Variants in SIM1 observed in about 807,000 individuals in gnomAD.
SIM1 encodes the protein SIM bHLH transcription factor 1, also known as single-minded homolog 1.
SIM1 carries 18 observed loss-of-function variants against 78.2 expected under a neutral mutation model. That is an observed-to-expected ratio of 0.23 (90% CI 0.16 to 0.34). The LOEUF is 0.34. SIM1 is among the 10% of genes least tolerant of loss of function. The pLI, the probability that SIM1 is intolerant of heterozygous loss-of-function variation, is 1.00. For synonymous variants in SIM1, 417 were observed against 385.2 expected, an observed-to-expected ratio of 1.08 and a Z score of -0.97; for missense variants, 939 against 975.1, an observed-to-expected ratio of 0.96 and a Z score of 0.49.
intron 2 of SIM1, among the ~76,000 whole-genome samples, chr6:100,454,481 C>G (rs1045607164): frequency 2.6e-5 from 4 of 152,220 alleles, no homozygotes; most frequent in African/African-American, 9.6e-5. Flanking sequence ...CCTCCTAGCC[C>G]TCTGCCTTAC....
At chr6:100,458,174 G>T (rs1388236219) in intron 2 of SIM1, among the ~76,000 whole-genome samples, 3 of 152,102 alleles carry the variant, frequency 2.0e-5, no homozygotes, top group Non-Finnish European at 4.4e-5. Context: ...AAAGACGGCA[G>T]AAACCCAAGG....
rs532818303 is a variant in SIM1 at position 100,454,111 on chromosome 6, C to T, written c.176-267G>A. Among the ~76,000 whole-genome samples, 22 of 152,334 alleles carry T rather than the reference C, an allele frequency of 1.4e-4. No homozygotes were observed. The South Asian group carries it at 4.1e-3, about 29-fold the overall frequency. Reference sequence around the variant, plus strand: ...CTGGTAGGACTCCAAGTGGCCCAGGCTCGGAAAAAGCCTCCAACATTGCAC... The same window carrying T: ...CTGGTAGGACTCCAAGTGGCCCAGGTTCGGAAAAAGCCTCCAACATTGCAC... On this transcript the variant is annotated intron_variant, in intron 2 of 11. Transcript: ENST00000369208.
At chr6:100,412,679 AAGAAAAAG>A (rs1294316415) in intron 10 of SIM1, among the ~76,000 whole-genome samples, 6 of 119,496 alleles carry the variant, frequency 5.0e-5, no homozygotes, top group African/African-American at 1.2e-4. Flanking sequence ...GAGAGAAAGA[AAGAAAAAG>A]AAAGAAAGAA....
In SIM1 at chr6:100,420,821, T is replaced by C; in HGVS notation, c.1136A>G (p.Lys379Arg). The change falls in exon 10 of 12, where the codon AAG (lysine) becomes AGG (arginine). Residue 379 changes from lysine (K) to arginine (R), a missense_variant. Around this residue, in one of 5 missense-constraint regions of SIM1, gnomAD observed 556 missense variants for 521.9 expected, o/e 1.07. Coordinates refer to ENST00000369208, the MANE Select transcript of SIM1 (RefSeq NM_005068.3). ...KGAKSRLSSS[K>R]SKSRTSPYPQ... ...GTATGGGGAAGTCCTGGATTTTGACTTTGAGCTGGAGAGCCGGGATTTGGC... is the reference window on the plus strand; with the variant it reads ...GTATGGGGAAGTCCTGGATTTTGACCTTGAGCTGGAGAGCCGGGATTTGGC... 1.2e-6 allele frequency: 2 copies of C among 1,614,148 alleles called. No individual in the cohort carries two copies. The highest frequency in any genetic ancestry group is 1.7e-5 in the Admixed American group (1 of 60,010).
chr6:100,460,245 G>GA (rs368854782), intron 2 of SIM1, among the ~76,000 whole-genome samples: 33 of 146,936 alleles, frequency 2.2e-4, no homozygotes, highest in East Asian at 3.9e-4. Flanking sequence ...AGACTTGGGA[G>GA]AAAAAAAAAA....
chr6:100,441,624 C>T (rs2114531911), intron 9 of SIM1, among the ~76,000 whole-genome samples: 1 of 152,202 alleles, frequency 6.6e-6, no homozygotes, highest in East Asian at 1.9e-4. Context: ...TAATCTAGGA[C>T]CAAGCAATTC....
intron 4 of SIM1, 90 bp downstream of exon 4, chr6:100,450,177 A>G: frequency 9.8e-7 from 1 of 1,016,746 alleles, no homozygotes; most frequent in Non-Finnish European, 1.5e-6. Flanking sequence ...GGTTTAGAGA[A>G]GCACACCCAG....
intron 3 of SIM1, among the ~76,000 whole-genome samples, chr6:100,451,813 G>A (rs1772518185): frequency 6.6e-6 from 1 of 152,190 alleles, no homozygotes; most frequent in South Asian, 2.1e-4. Flanking sequence ...AGAATTCTGG[G>A]GGAGGGAGAT....
In SIM1 at chr6:100,438,483, TA is replaced by T. The variant is rs1177961438; in HGVS notation, c.998+8784del. On this transcript the variant is annotated intron_variant, in intron 9 of 11. Coordinates refer to ENST00000369208, the MANE Select transcript of SIM1 (RefSeq NM_005068.3). The stretch of plus-strand genomic sequence containing the variant: ...GCAATAGATATTGGTGTAAGTGTGG[TA>T]AAAAGGGAACACTTTCACACTACTG... Among the ~76,000 whole-genome samples, 3 of 152,236 alleles carry T rather than the reference TA, an allele frequency of 2.0e-5. No homozygotes were observed. In the East Asian group the frequency reaches 5.8e-4, roughly 29 times the overall value.
intron 2 of SIM1, among the ~76,000 whole-genome samples, chr6:100,458,699 G>A (rs191818779): frequency 4.6e-5 from 7 of 152,284 alleles, no homozygotes; most frequent in Admixed American, 2.6e-4. Flanking sequence ...CGTGCTTCGG[G>A]CGGTGCGGGA....
intron 9 of SIM1, among the ~76,000 whole-genome samples, chr6:100,436,386 T>C (rs1050433580): frequency 1.1e-4 from 16 of 152,214 alleles, no homozygotes; most frequent in Non-Finnish European, 2.1e-4. Context: ...TCCTAACCAA[T>C]TGAAGGAGGA....
chr6:100,397,792 C>T (rs1446318970), intron 10 of SIM1, among the ~76,000 whole-genome samples: 1 of 151,956 alleles, frequency 6.6e-6, no homozygotes, highest in Non-Finnish European at 1.5e-5. Context: ...AAAAGACTAG[C>T]CTCTAGAATA....
rs1291541931 is a variant in SIM1, at chr6:100,387,176, T to C, written c.*3185A>G. On this transcript the variant is annotated 3_prime_UTR_variant, in exon 12 of 12. Transcript: ENST00000369208. ...GAATTGATACATATTATACCAGTAA[T>C]TGGATAGAGCACATTTTTATGTATC... 6.6e-6 allele frequency: 1 copy of C among 151,996 alleles called. No homozygotes were observed. The allele number at this position is 151,996 out of a possible 1,614,324, so 9.4% of individuals were successfully genotyped here. A position where few individuals can be genotyped will look rare whatever the true frequency, so the allele number is the denominator to read the frequency against.
At chr6:100,463,174 C>T in intron 2 of SIM1, 120 bp downstream of exon 2, 1 of 927,116 alleles carries the variant, frequency 1.1e-6, no homozygotes, top group South Asian at 2.1e-5. Context: ...GCTAAACTTC[C>T]CTTTGCAAAA....
At chr6:100,397,658 G>GA (rs905312945) in intron 10 of SIM1, among the ~76,000 whole-genome samples, 9 of 148,868 alleles carry the variant, frequency 6.0e-5, no homozygotes, top group Admixed American at 1.3e-4. Context: ...ATCCATAAAA[G>GA]AAAAAAAAAG....
chr6:100,412,641 G>GA lies in SIM1; in HGVS notation c.1167+8148dup, dbSNP rs1170078293. On this transcript the variant is annotated intron_variant, in intron 10 of 11. Coordinates refer to ENST00000369208, the MANE Select transcript of SIM1 (RefSeq NM_005068.3). ...GAAAGAAGGAAAGAAAGAAAGAAAA[G>GA]AAAGAAAGAAAGAAAGAGAGAGAGA... Among the ~76,000 whole-genome samples the GA allele has an allele frequency of 1.0e-3, 73 of 70,324 alleles. 8 individuals carry two copies. Among genetic ancestry groups the GA allele is most frequent in the Non-Finnish European group, 2.9e-4 (10 of 34,662 alleles). The allele number at this position is 70,324 out of a possible 152,430, so 46.1% of individuals were successfully genotyped here. A position where few individuals can be genotyped will look rare whatever the true frequency, so the allele number is the denominator to read the frequency against.
Position 100,393,791 on chromosome 6 carries a change from G to C in SIM1, c.1266C>G (p.Pro422=). The change falls in exon 11 of 12, where the codon CCC becomes CCG. Residue 422 remains proline (P), a synonymous_variant. Coordinates refer to ENST00000369208, the MANE Select transcript of SIM1 (RefSeq NM_005068.3). ...CGTGCTGGGAGCCAGGCCTATCGGCGGGGTCCAGAAGCTGCGGAGAGGCCG... is the reference window on the plus strand; with the variant it reads ...CGTGCTGGGAGCCAGGCCTATCGGCCGGGTCCAGAAGCTGCGGAGAGGCCG... ...TDTASPQLLD[P]ADRPGSQHDA... 6.2e-7 allele frequency: 1 copy of C among 1,614,042 alleles called. No homozygotes were observed. Among genetic ancestry groups the C allele is most frequent in the Non-Finnish European group, 8.5e-7 (1 of 1,179,968 alleles).
chr6:100,445,156 A>T (rs1772324428), intron 9 of SIM1, among the ~76,000 whole-genome samples: 1 of 152,192 alleles, frequency 6.6e-6, no homozygotes, highest in Non-Finnish European at 1.5e-5. Flanking sequence ...TGATATGCAC[A>T]TCAAACAAAC....
chr6:100,447,265 C>T lies in SIM1; in HGVS notation c.998+3G>A. On this transcript the variant is annotated splice_donor_region_variant and intron_variant, in intron 9 of 11. Transcript: ENST00000369208. ...GGTGAAGGGGTCTCAGTCTTGCACTCACGTGAGGACATAGTTGACGCTGAC... is the reference window on the plus strand; with the variant it reads ...GGTGAAGGGGTCTCAGTCTTGCACTTACGTGAGGACATAGTTGACGCTGAC... 2 of 1,614,094 alleles carry T rather than the reference C, an allele frequency of 1.2e-6. No individual in the cohort carries two copies. The highest frequency in any genetic ancestry group is 1.1e-5 in the South Asian group (1 of 91,082).
Sources: gnomAD v4.1 joint callset for allele counts (sites outside exome capture counted in the v4.1 genomes callset) on GRCh38, gnomAD v4.1.1 for gene constraint, gnomAD v4.1.1 regional missense constraint, MANE v1.5 for transcripts, NCBI Gene and HGNC (gene_info 2026-07-23, HGNC 2026-07-21) for gene names.